CRACDL: variants seen among roughly 807,000 people sequenced by gnomAD.
The protein encoded by CRACDL is CRACD-like protein.
A neutral mutation model predicts 70.6 loss-of-function variants in CRACDL; 26 were observed. That is an observed-to-expected ratio of 0.37 (90% CI 0.27 to 0.51). CRACDL has a LOEUF of 0.51. Among genes scored for constraint, CRACDL ranks in the 20% least tolerant of loss-of-function variants. The pLI, the probability that CRACDL is intolerant of heterozygous loss-of-function variation, is 0.94. For missense variants in CRACDL, 1,283 were observed against 1,376.9 expected (o/e 0.93, Z 1.08); for synonymous variants, 618 against 615.2 (o/e 1.00, Z -0.07).
chr2:98,823,598 T>A lies in CRACDL; in HGVS notation c.736-61A>T, dbSNP rs577738712. On this transcript the variant is annotated intron_variant, in intron 6 of 9. Transcript: ENST00000397899. The surrounding 1 kb of genome is among the most constrained non-coding windows in gnomAD (Gnocchi z 4.0). Reference sequence around the variant, plus strand: ...AGCCAATTCCAGGAAGCCTGTCACCTCCCCACTTTTTTCAAGGCTTATAAT... The same window carrying A: ...AGCCAATTCCAGGAAGCCTGTCACCACCCCACTTTTTTCAAGGCTTATAAT... 3.9e-6 allele frequency: 6 copies of A among 1,532,368 alleles called. No homozygotes were observed. The African/African-American group carries it at 8.2e-5, about 21-fold the overall frequency. 94.9% of individuals were successfully genotyped at this position (1,532,368 alleles called of 1,614,324 possible).
At chr2:98,806,870 AG>A (rs1213809091) in intron 7 of CRACDL, among the ~76,000 whole-genome samples, 3 of 152,194 alleles carry the variant, frequency 2.0e-5, no homozygotes, top group African/African-American at 7.2e-5. Flanking sequence ...AGAACTGTCT[AG>A]GGTGGCCAAC....
intron 1 of CRACDL, among the ~76,000 whole-genome samples, chr2:98,863,409 G>T (rs556786360): frequency 6.6e-6 from 1 of 152,210 alleles, no homozygotes; most frequent in Non-Finnish European, 1.5e-5. Flanking sequence ...AAAGAGTCCT[G>T]CAGGTTGAAA....
At chr2:98,894,549 T>C (rs1267053014) in intron 1 of CRACDL, among the ~76,000 whole-genome samples, 2 of 152,132 alleles carry the variant, frequency 1.3e-5, no homozygotes, top group African/African-American at 2.4e-5. Context: ...GGTGGCAATC[T>C]GTGTAGTGAG....
chr2:98,909,333 G>C (rs1400934837), intron 1 of CRACDL, among the ~76,000 whole-genome samples: 2 of 152,174 alleles, frequency 1.3e-5, no homozygotes, highest in South Asian at 2.1e-4. Flanking sequence ...GGTTCAACTT[G>C]CTTCTGGTTT....
chr2:98,853,025 A>AGGGAAAGGGAAGGGAAG (rs1198298354), intron 1 of CRACDL, among the ~76,000 whole-genome samples: 1 of 110,446 alleles, frequency 9.1e-6, no homozygotes, highest in African/African-American at 3.5e-5. Context: ...GGGGAAGGGA[A>AGGGAAAGGGAAGGGAAG]GGGAAAGGGA....
chr2:98,889,082 C>A (rs1329956363), intron 1 of CRACDL, among the ~76,000 whole-genome samples: 7 of 146,716 alleles, frequency 4.8e-5, no homozygotes, highest in Non-Finnish European at 7.4e-5. Context: ...GAGCCGAGAT[C>A]ATGCCACTGC....
intron 7 of CRACDL, among the ~76,000 whole-genome samples, chr2:98,808,722 CT>C (rs1164380275): frequency 6.6e-6 from 1 of 152,210 alleles, no homozygotes. Flanking sequence ...ACACTTCCTA[CT>C]TGTCATAAAG....
intron 1 of CRACDL, among the ~76,000 whole-genome samples, chr2:98,888,354 G>A (rs1028607087): frequency 6.6e-6 from 1 of 152,144 alleles, no homozygotes; most frequent in Non-Finnish European, 1.5e-5. Context: ...AAGACATAAT[G>A]TGTATAACAA....
At chr2:98,803,292 G>A (rs775917247) in intron 7 of CRACDL, among the ~76,000 whole-genome samples, 3 of 152,004 alleles carry the variant, frequency 2.0e-5, no homozygotes, top group Non-Finnish European at 2.9e-5. Context: ...GAGCCACTGT[G>A]CCCGGCCATG....
chr2:98,846,467 A>G (rs1457785192), intron 2 of CRACDL, among the ~76,000 whole-genome samples: 1 of 152,246 alleles, frequency 6.6e-6, no homozygotes, highest in Admixed American at 6.5e-5. Flanking sequence ...ACATGGGGAC[A>G]TGCTTACCTC....
intron 2 of CRACDL, among the ~76,000 whole-genome samples, chr2:98,842,405 A>C (rs1706067404): frequency 1.3e-5 from 2 of 151,792 alleles, no homozygotes; most frequent in Non-Finnish European, 2.9e-5. Context: ...TTTATTTCTA[A>C]AAATTCCTTT....
rs571086630 is a variant in CRACDL at position 98,839,632 on chromosome 2, G to T, written c.71-1345C>A. Among the ~76,000 whole-genome samples the T allele has an allele frequency of 3.9e-5, 6 of 152,312 alleles. No individual in the cohort carries two copies. In the South Asian group the frequency reaches 8.3e-4, roughly 21 times the overall value. On this transcript the variant is annotated intron_variant, in intron 2 of 9. Transcript: ENST00000397899. ...TGTACACCTTTGTTCCACTGGCAGGGCTTAGCCATCCATTTGTTCAAACTA... is the reference window on the plus strand; with the variant it reads ...TGTACACCTTTGTTCCACTGGCAGGTCTTAGCCATCCATTTGTTCAAACTA...
At chr2:98,817,922 T>A (rs1378761867) in intron 7 of CRACDL, among the ~76,000 whole-genome samples, 1 of 151,948 alleles carries the variant, frequency 6.6e-6, no homozygotes, top group African/African-American at 2.4e-5. Flanking sequence ...AAAAAATAAA[T>A]CTCATACCCA....
At chr2:98,845,338 A>T (rs1157078184) in intron 2 of CRACDL, among the ~76,000 whole-genome samples, 1 of 151,986 alleles carries the variant, frequency 6.6e-6, no homozygotes, top group Non-Finnish European at 1.5e-5. Context: ...ATGGGACTAC[A>T]GGTGTGTGCC....
chr2:98,909,073 C>T (rs1708483211), intron 1 of CRACDL, among the ~76,000 whole-genome samples: 2 of 152,200 alleles, frequency 1.3e-5, no homozygotes, highest in Non-Finnish European at 2.9e-5. Flanking sequence ...TTAAGCCTCA[C>T]ACAGTGAATC....
chr2:98,891,010 T>C (rs1707957094), intron 1 of CRACDL, among the ~76,000 whole-genome samples: 1 of 151,680 alleles, frequency 6.6e-6, no homozygotes, highest in African/African-American at 2.4e-5. Context: ...CGAGCCAAGA[T>C]TGTGTCATTC....
At chr2:98,891,984 A>G (rs1331434241) in intron 1 of CRACDL, among the ~76,000 whole-genome samples, 2 of 152,238 alleles carry the variant, frequency 1.3e-5, no homozygotes, top group African/African-American at 2.4e-5. Flanking sequence ...GGGCAATCCT[A>G]CTGAAAACTA....
Position 98,823,187 on chromosome 2 carries a change from C to CG in CRACDL, c.1085dup (p.Asn363GlufsTer46). 1.3e-6 allele frequency: 2 copies of CG among 1,489,954 alleles called. No homozygotes were observed. Among genetic ancestry groups the CG allele is most frequent in the Non-Finnish European group, 1.8e-6 (2 of 1,121,512 alleles). 92.3% of individuals were successfully genotyped at this position (1,489,954 alleles called of 1,614,324 possible). A position where few individuals can be genotyped will look rare whatever the true frequency, so the allele number is the denominator to read the frequency against. On this transcript the variant is annotated frameshift_variant, in exon 7 of 10. Coordinates refer to ENST00000397899, the MANE Select transcript of CRACDL (RefSeq NM_207362.3). LOFTEE classifies it high-confidence loss of function. The surrounding 1 kb of genome is among the most constrained non-coding windows in gnomAD (Gnocchi z 4.0). Reference sequence around the variant, plus strand: ...GCTTTCCGCCGTCGGGACCGGGATTCGGGGGGCCCTCCGGCGGGGACGGGG... The same window carrying CG: ...GCTTTCCGCCGTCGGGACCGGGATTCGGGGGGGCCCTCCGGCGGGGACGGGG...
intron 1 of CRACDL, among the ~76,000 whole-genome samples, chr2:98,866,570 C>G (rs1303269833): frequency 6.8e-6 from 1 of 146,622 alleles, no homozygotes; most frequent in Non-Finnish European, 1.5e-5. Flanking sequence ...TCACTGCAAC[C>G]TCCTCCTCCT....
Sources: allele counts gnomAD v4.1 joint callset (sites outside exome capture counted in the v4.1 genomes callset), GRCh38; gene constraint gnomAD v4.1.1; non-coding constraint Gnocchi (gnomAD v3.1); transcripts MANE v1.5; gene names NCBI Gene and HGNC (gene_info 2026-07-23, HGNC 2026-07-21).